ZNF385B: variants seen among roughly 807,000 people sequenced by gnomAD.
ZNF385B encodes zinc finger protein 385B, also known as zinc finger protein 533.
In ZNF385B, 23 loss-of-function variants were observed where a neutral mutation model predicts 39.2. The ratio of observed to expected loss-of-function variants is 0.59; its 90% CI spans 0.42 to 0.83. ZNF385B has a LOEUF of 0.83. Ranked by LOEUF, ZNF385B falls within the 40% of genes least tolerant of loss-of-function variation. The pLI is 0.00. For missense variants in ZNF385B, 552 were observed against 598.9 expected, an observed-to-expected ratio of 0.92 and a Z score of 0.82; for synonymous variants, 205 against 222.6, an observed-to-expected ratio of 0.92 and a Z score of 0.70.
chr2:179,609,571 C>T (rs1464707600), intron 3 of ZNF385B, among the ~76,000 whole-genome samples: 1 of 152,136 alleles, frequency 6.6e-6, no homozygotes, highest in Non-Finnish European at 1.5e-5. Context: ...AGACTGATTT[C>T]CTTTCTTTTG....
intron 4 of ZNF385B, among the ~76,000 whole-genome samples, chr2:179,522,321 A>T (rs2058560666): frequency 6.6e-6 from 1 of 152,190 alleles, no homozygotes; most frequent in African/African-American, 2.4e-5. Context: ...TATGATGTTA[A>T]TTTATGTTAA....
At chr2:179,782,155 C>A (rs1258774088) in intron 1 of ZNF385B, among the ~76,000 whole-genome samples, 1 of 152,150 alleles carries the variant, frequency 6.6e-6, no homozygotes, top group African/African-American at 2.4e-5. Flanking sequence ...TAGGCTTCAT[C>A]CCTGGGATGT....
chr2:179,449,532 T>A (rs2049861641), intron 6 of ZNF385B, among the ~76,000 whole-genome samples: 1 of 152,012 alleles, frequency 6.6e-6, no homozygotes, highest in Non-Finnish European at 1.5e-5. Context: ...TACCTAGGAA[T>A]CCAACTTACA....
intron 3 of ZNF385B, among the ~76,000 whole-genome samples, chr2:179,669,835 G>A (rs1488533239): frequency 6.6e-6 from 1 of 152,114 alleles, no homozygotes; most frequent in Non-Finnish European, 1.5e-5. Context: ...TTAGACACCA[G>A]AGGTCTCACA....
chr2:179,463,041 C>A (rs1381950592), intron 6 of ZNF385B, among the ~76,000 whole-genome samples: 1 of 151,964 alleles, frequency 6.6e-6, no homozygotes, highest in Non-Finnish European at 1.5e-5. Flanking sequence ...ATATATACCT[C>A]AGAAGAGGTC....
chr2:179,586,827 A>G (rs1236185565), intron 3 of ZNF385B, among the ~76,000 whole-genome samples: 2 of 152,178 alleles, frequency 1.3e-5, no homozygotes, highest in Non-Finnish European at 1.5e-5. Context: ...TCACGAGGTC[A>G]GGAGTTCGAG....
intron 1 of ZNF385B, among the ~76,000 whole-genome samples, chr2:179,851,123 T>C (rs1684110935): frequency 6.6e-6 from 1 of 152,150 alleles, no homozygotes; most frequent in Non-Finnish European, 1.5e-5. Context: ...CACCAATCTC[T>C]TCAGTTACCA....
At chr2:179,484,236 T>A (rs572108006) in intron 5 of ZNF385B, among the ~76,000 whole-genome samples, 2 of 151,974 alleles carry the variant, frequency 1.3e-5, no homozygotes, top group East Asian at 3.9e-4. Flanking sequence ...AAAATTTTCC[T>A]CTGCCTAAAC....
chr2:179,834,550 T>A (rs936655791), intron 1 of ZNF385B, among the ~76,000 whole-genome samples: 1 of 152,124 alleles, frequency 6.6e-6, no homozygotes, highest in East Asian at 1.9e-4. Flanking sequence ...GGGGGAAAGT[T>A]TTTCTTCACA....
intron 3 of ZNF385B, among the ~76,000 whole-genome samples, chr2:179,641,159 A>T (rs1036011790): frequency 6.6e-6 from 1 of 151,576 alleles, no homozygotes; most frequent in Non-Finnish European, 1.5e-5. Flanking sequence ...GTGCTGCTTT[A>T]CAGAGATTTG....
At chr2:179,729,140 A>AC (rs1553518643) in intron 3 of ZNF385B, among the ~76,000 whole-genome samples, 15 of 150,050 alleles carry the variant, frequency 1.0e-4, no homozygotes, top group South Asian at 6.3e-4. Flanking sequence ...AAAAAAAAAA[A>AC]AAAAAAACCA....
intron 3 of ZNF385B, among the ~76,000 whole-genome samples, chr2:179,588,233 C>T (rs897822573): frequency 1.3e-5 from 2 of 152,100 alleles, no homozygotes; most frequent in Admixed American, 6.5e-5. Context: ...GGAATACAGG[C>T]GCCCGCCACC....
intron 4 of ZNF385B, among the ~76,000 whole-genome samples, chr2:179,535,436 T>C (rs1224803167): frequency 6.6e-6 from 1 of 152,238 alleles, no homozygotes; most frequent in African/African-American, 2.4e-5. Context: ...CAGCTTTTGC[T>C]TTTCTGATAT....
chr2:179,489,826 C>T (rs1326016829), intron 5 of ZNF385B, among the ~76,000 whole-genome samples: 1 of 152,186 alleles, frequency 6.6e-6, no homozygotes, highest in Non-Finnish European at 1.5e-5. Context: ...CTTTGATATT[C>T]ACTTCATTCA....
chr2:179,608,995 T>C (rs1039976261), intron 3 of ZNF385B, among the ~76,000 whole-genome samples: 1 of 152,062 alleles, frequency 6.6e-6, no homozygotes, highest in South Asian at 2.1e-4. Context: ...TATTTTGATA[T>C]AGAAATATAA....
At chr2:179,549,426 A>G (rs1051663582) in intron 3 of ZNF385B, among the ~76,000 whole-genome samples, 1 of 149,418 alleles carries the variant, frequency 6.7e-6, no homozygotes, top group Non-Finnish European at 1.5e-5. Context: ...GGTCTGAAAC[A>G]TTTTACATGA....
intron 3 of ZNF385B, among the ~76,000 whole-genome samples, chr2:179,752,186 T>C (rs1226071289): frequency 1.3e-5 from 2 of 152,178 alleles, no homozygotes; most frequent in Non-Finnish European, 2.9e-5. Context: ...CACGTGGTGT[T>C]TGCTTTTTTG....
At chr2:179,828,420 A>G (rs165380) in intron 1 of ZNF385B, among the ~76,000 whole-genome samples, 70,318 of 152,034 alleles carry the variant, frequency 0.46, 16,930 homozygotes, top group African/African-American at 0.56. Context: ...AACATTTAGC[A>G]ATAATGGCCT....
chr2:179,600,495 A>C (rs889760586), intron 3 of ZNF385B, among the ~76,000 whole-genome samples: 7 of 152,232 alleles, frequency 4.6e-5, no homozygotes, highest in African/African-American at 1.7e-4. Context: ...AGAGTTGCAT[A>C]GCTTCCTAAG....
Sources: allele counts gnomAD v4.1 joint callset (sites outside exome capture counted in the v4.1 genomes callset), GRCh38; gene constraint gnomAD v4.1.1; transcripts MANE v1.5; gene names NCBI Gene and HGNC (gene_info 2026-07-23, HGNC 2026-07-21).